UBAC1: variants seen among roughly 807,000 people sequenced by gnomAD.
UBAC1 encodes ubiquitin-associated domain-containing protein 1.
Under a neutral mutation model 45.9 loss-of-function variants are expected in UBAC1, and 27 were observed. The observed-to-expected ratio is 0.59, with a 90% CI of 0.43 to 0.81. UBAC1 has a LOEUF of 0.81. Ranked by LOEUF, UBAC1 falls within the 30% of genes least tolerant of loss-of-function variation. UBAC1 has a pLI of 0.00. For synonymous variants in UBAC1, 227 were observed against 215.5 expected (o/e 1.05, Z -0.47); for missense variants, 529 against 539.2 (o/e 0.98, Z 0.19).
chr9:135,954,454 G>C (rs1276791277), intron 2 of UBAC1, among the ~76,000 whole-genome samples: 1 of 152,144 alleles, frequency 6.6e-6, no homozygotes, highest in Non-Finnish European at 1.5e-5. Context: ...AAAAGAGCAT[G>C]GGTTCCTTTG....
At chr9:135,958,112 T>A (rs1157075807) in intron 1 of UBAC1, among the ~76,000 whole-genome samples, 1 of 151,044 alleles carries the variant, frequency 6.6e-6, no homozygotes, top group Non-Finnish European at 1.5e-5. Context: ...AGTGGCTTGA[T>A]CTCGGCTCAC....
intron 7 of UBAC1, among the ~76,000 whole-genome samples, chr9:135,941,694 A>T (rs1389618453): frequency 7.1e-6 from 1 of 141,704 alleles, no homozygotes; most frequent in Non-Finnish European, 1.6e-5. Context: ...CTCCCAGCCC[A>T]TGGGGGCAAA....
chr9:135,940,337 TG>T (rs1839254999), intron 7 of UBAC1, among the ~76,000 whole-genome samples: 1 of 151,834 alleles, frequency 6.6e-6, no homozygotes, highest in Non-Finnish European at 1.5e-5. Flanking sequence ...CCCAGCACTT[TG>T]GGAGGCCGAG....
At chr9:135,948,768 C>T (rs1421378457) in intron 3 of UBAC1, among the ~76,000 whole-genome samples, 3 of 152,240 alleles carry the variant, frequency 2.0e-5, no homozygotes, top group Non-Finnish European at 4.4e-5. Context: ...AGTCCCAAAG[C>T]GCTGCTATCA....
chr9:135,937,863 C>T (rs11103233), intron 9 of UBAC1, among the ~76,000 whole-genome samples: 73,687 of 152,122 alleles, frequency 0.48, 17,996 homozygotes, highest in Admixed American at 0.53. Flanking sequence ...AAGACCCTGA[C>T]GAGTAGTAAG....
chr9:135,960,132 C>T (rs1184693045), intron 1 of UBAC1, among the ~76,000 whole-genome samples: 1 of 152,196 alleles, frequency 6.6e-6, no homozygotes, highest in East Asian at 1.9e-4. Context: ...CATGGAGTCG[C>T]CACTAGAAAA....
intron 1 of UBAC1, among the ~76,000 whole-genome samples, chr9:135,959,886 T>C (rs2131097505): frequency 6.6e-6 from 1 of 152,270 alleles, no homozygotes; most frequent in African/African-American, 2.4e-5. Flanking sequence ...CTCCTTGGTG[T>C]GAATCCTGAG....
At chr9:135,951,252 C>T (rs529818300) in intron 3 of UBAC1, among the ~76,000 whole-genome samples, 7 of 152,244 alleles carry the variant, frequency 4.6e-5, no homozygotes, top group African/African-American at 1.7e-4. Flanking sequence ...GCCAAGACTG[C>T]TAATTTTTAT....
chr9:135,933,304 C>T lies in UBAC1; in HGVS notation c.*96G>A, dbSNP rs1839166035. On this transcript the variant is annotated 3_prime_UTR_variant, in exon 10 of 10. Coordinates refer to ENST00000371756, the MANE Select transcript of UBAC1 (RefSeq NM_016172.3). The stretch of plus-strand genomic sequence containing the variant: ...CACCTCTAACAGTCCAGGGCTGAGG[C>T]GCTGAAGGTGAGTTTCCAGGTGAGG... The T allele has an allele frequency of 1.2e-5, 11 of 931,564 alleles. No homozygotes were observed. Among genetic ancestry groups the T allele is most frequent in the Admixed American group, 3.7e-5 (2 of 54,724 alleles). 57.7% of individuals were successfully genotyped at this position (931,564 alleles called of 1,614,324 possible). A position where few individuals can be genotyped will look rare whatever the true frequency, so the allele number is the denominator to read the frequency against.
intron 7 of UBAC1, among the ~76,000 whole-genome samples, chr9:135,940,968 A>G (rs1357315138): frequency 6.6e-6 from 1 of 152,208 alleles, no homozygotes; most frequent in Admixed American, 6.5e-5. Context: ...TTCATGCAGC[A>G]CTGCACCCCG....
rs549228819 is a variant in UBAC1, at chr9:135,945,133, G to A, written c.771C>T (p.Ser257=). ...PEAEGATAAA[S]EAAAGASATD... is the part of the protein sequence containing the mutation. ...TGGCGCTGGCTCCCGCGGCAGCCTC[G>A]GAGGCAGCTGCTGTGGCCCCCTCGG... The change falls in exon 7 of 10, where the codon TCC becomes TCT. Residue 257 remains serine, a synonymous_variant. Coordinates refer to ENST00000371756, the MANE Select transcript of UBAC1 (RefSeq NM_016172.3). The A allele has an allele frequency of 1.9e-5, 30 of 1,613,982 alleles. No homozygotes were observed. Among genetic ancestry groups the A allele is most frequent in the South Asian group, 2.2e-5 (2 of 91,050 alleles).
chr9:135,957,463 G>C (rs7860947), intron 1 of UBAC1, among the ~76,000 whole-genome samples: 79,616 of 151,922 alleles, frequency 0.52, 20,964 homozygotes, highest in Admixed American at 0.56. Context: ...CACAGTCCAC[G>C]TGTCACCAGC....
chr9:135,945,805 A>G lies in UBAC1; in HGVS notation c.653+84T>C, dbSNP rs1452264506. The G allele has an allele frequency of 3.8e-6, 4 of 1,044,474 alleles. No individual in the cohort carries two copies. In the Admixed American group the frequency reaches 7.8e-5, roughly 20 times the overall value. 64.7% of individuals were successfully genotyped at this position (1,044,474 alleles called of 1,614,324 possible). On this transcript the variant is annotated intron_variant, in intron 6 of 9. Coordinates refer to ENST00000371756, the MANE Select transcript of UBAC1 (RefSeq NM_016172.3). ...ATGATTCAGTCAAAGAGTTTAGGGT[A>G]GGAGGACGTCACCCACGGTGGGAGC...
intron 4 of UBAC1, 152 bp from the exon 5 acceptor site, chr9:135,946,523 G>A: frequency 1.6e-6 from 1 of 639,206 alleles, no homozygotes; most frequent in African/African-American, 1.8e-5. Flanking sequence ...GGGCAAGGCA[G>A]GGGATTGGCA....
At chr9:135,940,135 C>T (rs1303437713) in intron 7 of UBAC1, among the ~76,000 whole-genome samples, 2 of 152,198 alleles carry the variant, frequency 1.3e-5, no homozygotes, top group South Asian at 2.1e-4. Context: ...ACTGTCTCGG[C>T]AGCCACCGCA....
intron 1 of UBAC1, among the ~76,000 whole-genome samples, chr9:135,956,973 G>A (rs994753681): frequency 2.6e-5 from 4 of 152,184 alleles, no homozygotes; most frequent in African/African-American, 4.8e-5. Flanking sequence ...GTCCTCGGAC[G>A]TCTCAGGTGG....
At chr9:135,959,955 G>A (rs1839512136) in intron 1 of UBAC1, among the ~76,000 whole-genome samples, 1 of 152,162 alleles carries the variant, frequency 6.6e-6, no homozygotes, top group Non-Finnish European at 1.5e-5. Context: ...TGCCAAGCTT[G>A]CCTCTGACAG....
rs1286290556 is a variant in UBAC1 at position 135,947,883 on chromosome 9, G to A, written c.356C>T (p.Pro119Leu). 6.2e-7 allele frequency: 1 copy of A among 1,613,980 alleles called. No individual in the cohort carries two copies. Among genetic ancestry groups the A allele is most frequent in the African/African-American group, 1.3e-5 (1 of 74,936 alleles). ...GGCCCGCAGTATGGCCTCTTTATCT[G>A]GAGCTTTCTGGTCTTGTTTTTTCTA... The part of the protein sequence containing the change: ...EEKKKQDQKA[P>L]DKEAILRATA... Residue 119 changes from proline (P) to leucine (L), a missense_variant, in exon 4 of 10, where the codon CCA (proline) becomes CTA (leucine). Coordinates refer to ENST00000371756, the MANE Select transcript of UBAC1 (RefSeq NM_016172.3).
chr9:135,959,743 C>T (rs964940070), intron 1 of UBAC1, among the ~76,000 whole-genome samples: 16 of 152,164 alleles, frequency 1.1e-4, no homozygotes, highest in Non-Finnish European at 1.9e-4. Flanking sequence ...TGGATGCCCA[C>T]GGAGTTACCG....
Sources: allele counts gnomAD v4.1 joint callset (sites outside exome capture counted in the v4.1 genomes callset), GRCh38; gene constraint gnomAD v4.1.1; transcripts MANE v1.5; gene names NCBI Gene and HGNC (gene_info 2026-07-23, HGNC 2026-07-21).